Variants in NRBP1 observed in about 807,000 individuals in gnomAD.
NRBP1 encodes nuclear receptor-binding protein.
A neutral mutation model predicts 76.0 loss-of-function variants in NRBP1; 10 were observed. The observed-to-expected ratio is 0.13, with a 90% CI of 0.08 to 0.22. The LOEUF (loss-of-function observed/expected upper bound fraction) is 0.22, where lower values mean the gene tolerates loss of function less well. Among genes scored for constraint, NRBP1 ranks in the 10% least tolerant of loss-of-function variants. The probability of loss-of-function intolerance (pLI) is 1.00; values close to 1 mark genes in which losing one functional copy is unlikely to be tolerated. For synonymous variants in NRBP1, 235 were observed against 240.2 expected (o/e 0.98, Z 0.20); for missense variants, 344 against 646.0 (o/e 0.53, Z 5.07).
intron 4 of NRBP1, 95 bp downstream of exon 4, chr2:27,434,185 A>G: frequency 9.4e-7 from 1 of 1,067,414 alleles, no homozygotes; most frequent in Non-Finnish European, 1.4e-6. Flanking sequence ...AAAACAAGGT[A>G]GTTTTGAAAC....
chr2:27,434,212 G>A (rs1242656617), intron 4 of NRBP1, 122 bp downstream of exon 4: 1 of 844,610 alleles, frequency 1.2e-6, no homozygotes, highest in Non-Finnish European at 1.9e-6. Context: ...GGAATCAGCT[G>A]CAATGGCGAT....
rs775263465 is a variant in NRBP1, at chr2:27,433,495, G to A, written c.210+12G>A. 1.9e-6 allele frequency: 3 copies of A among 1,613,292 alleles called. No individual in the cohort carries two copies. Among genetic ancestry groups the A allele is most frequent in the Non-Finnish European group, 2.5e-6 (3 of 1,179,608 alleles). On this transcript the variant is annotated intron_variant, in intron 2 of 17. Transcript: ENST00000379852. ...AGAGGCGAGAAGAGGTAAGGTTATG[G>A]TACAGTTACTCTTGGGTGAGTGAAT...
Position 27,431,413 on chromosome 2 carries a change from T to C in NRBP1, c.-20-1841T>C, listed in dbSNP as rs555254884. ...AGCTGGAAGCTTAAAGTCTTAGCTC[T>C]GGCTTGAATTTGTGGCTGCTTGAAT... On this transcript the variant is annotated intron_variant, in intron 1 of 17. Coordinates refer to ENST00000379852, the MANE Select transcript of NRBP1 (RefSeq NM_013392.4). 2.0e-5 allele frequency among the ~76,000 whole-genome samples: 3 copies of C among 152,354 alleles called. No homozygotes were observed. In the South Asian group the frequency reaches 6.2e-4, roughly 32 times the overall value.
At chr2:27,434,203 G>A (rs1362564137) in intron 4 of NRBP1, 113 bp downstream of exon 4, 19 of 904,708 alleles carry the variant, frequency 2.1e-5, no homozygotes, top group Non-Finnish European at 3.3e-5. Context: ...AACAGAACTG[G>A]AATCAGCTGC....
At chr2:27,434,240 T>C in intron 4 of NRBP1, 150 bp downstream of exon 4, 2 of 740,000 alleles carry the variant, frequency 2.7e-6, no homozygotes, top group Middle Eastern at 3.9e-4. Flanking sequence ...GGGCTTCAGT[T>C]GTCACCTATG....
chr2:27,436,750 C>T lies in NRBP1; in HGVS notation c.662-3C>T. 1 of 1,613,200 alleles carries T rather than the reference C, an allele frequency of 6.2e-7. No homozygotes were observed. Among genetic ancestry groups the T allele is most frequent in the Non-Finnish European group, 8.5e-7 (1 of 1,179,136 alleles). On this transcript the variant is annotated splice_region_variant and splice_polypyrimidine_tract_variant and intron_variant, in intron 7 of 17. Coordinates refer to ENST00000379852, the MANE Select transcript of NRBP1 (RefSeq NM_013392.4). Reference sequence around the variant, plus strand: ...AGATTGTGGGTGTCTCCCCTACTCCCAGTGGCTCCTGACACTATCAACAAT... The same window carrying T: ...AGATTGTGGGTGTCTCCCCTACTCCTAGTGGCTCCTGACACTATCAACAAT...
chr2:27,427,809 A>G (rs914372613), upstream of NRBP1: 2 of 152,224 alleles, frequency 1.3e-5, no homozygotes, highest in South Asian at 4.1e-4. Flanking sequence ...GTCTAAGGGC[A>G]GAGTGAACTT....
chr2:27,434,221 A>T, intron 4 of NRBP1, 131 bp downstream of exon 4: 2 of 804,178 alleles, frequency 2.5e-6, no homozygotes, highest in Non-Finnish European at 4.1e-6. Context: ...TGCAATGGCG[A>T]TAAGAGTAGG....
chr2:27,432,743 T>C (rs1466315814), intron 1 of NRBP1, among the ~76,000 whole-genome samples: 1 of 152,002 alleles, frequency 6.6e-6, no homozygotes, highest in Non-Finnish European at 1.5e-5. Flanking sequence ...GCCCTGCTAA[T>C]TTTTAAATTT....
At chr2:27,429,028 G>A (rs1399847062) in intron 1 of NRBP1, among the ~76,000 whole-genome samples, 1 of 150,944 alleles carries the variant, frequency 6.6e-6, no homozygotes, top group East Asian at 1.9e-4. Context: ...CGAGAGGCGG[G>A]GCCCGGCGGG....
Position 27,441,939 on chromosome 2 carries a change from CT to C in NRBP1, c.*128del. 1.5e-6 allele frequency: 1 copy of C among 660,832 alleles called. No individual in the cohort carries two copies. The highest frequency in any genetic ancestry group is 2.7e-6 in the Non-Finnish European group (1 of 371,206). 40.9% of individuals were successfully genotyped at this position (660,832 alleles called of 1,614,324 possible). A position where few individuals can be genotyped will look rare whatever the true frequency, so the allele number is the denominator to read the frequency against. The stretch of plus-strand genomic sequence containing the variant: ...TTCCCTCCTTTATTATTCAGGAGGG[CT>C]GGGGGGGCTCCCTGGTTCTGAGCAT... On this transcript the variant is annotated 3_prime_UTR_variant, in exon 18 of 18. Coordinates refer to ENST00000379852, the MANE Select transcript of NRBP1 (RefSeq NM_013392.4).
At position 27,439,213 on chromosome 2, in the gene NRBP1, C is replaced by T. The variant is rs531029682; in HGVS notation, c.904-553C>T. On this transcript the variant is annotated intron_variant, in intron 10 of 17. Transcript: ENST00000379852. ...AGGAAAAAGAAAGTGTGGGGCCGGG[C>T]GCGGTGTCTCATGCCTGTAATACCG... 6.5e-4 allele frequency among the ~76,000 whole-genome samples: 99 copies of T among 152,096 alleles called. 1 individual carries two copies. In the South Asian group the frequency reaches 0.017, roughly 26 times the overall value.
rs577722546 is a variant in NRBP1 at position 27,436,461 on chromosome 2, C to A, written c.662-292C>A. On this transcript the variant is annotated intron_variant, in intron 7 of 17. Coordinates refer to ENST00000379852, the MANE Select transcript of NRBP1 (RefSeq NM_013392.4). ...CAAGTGAAAATTTTTCCTTAAACTT[C>A]ATTGCTTCTAGACCAGCCTGAAGCC... is the stretch of plus-strand genomic sequence containing the variant. 2.7e-5 allele frequency: 9 copies of A among 332,344 alleles called. No homozygotes were observed. In the South Asian group the frequency reaches 3.5e-4, roughly 13 times the overall value. The allele number at this position is 332,344 out of a possible 1,614,324, so 20.6% of individuals were successfully genotyped here.
In NRBP1 at chr2:27,437,174, CAAGT is replaced by C. The variant is rs1664340230; in HGVS notation, c.804+73_804+76del. On this transcript the variant is annotated intron_variant, in intron 9 of 17. Coordinates refer to ENST00000379852, the MANE Select transcript of NRBP1 (RefSeq NM_013392.4). ...GATGGAATTGGGAATGGAGGGAAGA[CAAGT>C]AAGGCGCTGGCTTGGAGGGAGTGAT... 8 of 1,579,984 alleles carry C rather than the reference CAAGT, an allele frequency of 5.1e-6. No homozygotes were observed. The Admixed American group carries it at 6.7e-5, about 13-fold the overall frequency.
At chr2:27,432,840 G>A (rs1664157511) in intron 1 of NRBP1, among the ~76,000 whole-genome samples, 1 of 152,248 alleles carries the variant, frequency 6.6e-6, no homozygotes, top group Admixed American at 6.5e-5. Context: ...GCTTCTCAAA[G>A]TGCTGGGATT....
At chr2:27,436,641 G>A in intron 7 of NRBP1, 112 bp from the exon 8 acceptor site, 1 of 819,238 alleles carries the variant, frequency 1.2e-6, no homozygotes, top group Non-Finnish European at 2.1e-6. Context: ...GCCTGTTGAG[G>A]GTCATCAGAA....
At chr2:27,441,468 G>C in intron 16 of NRBP1, 99 bp from the exon 17 acceptor site, 1 of 1,468,530 alleles carries the variant, frequency 6.8e-7, no homozygotes, top group Non-Finnish European at 9.5e-7. Flanking sequence ...TAAAGCAGTG[G>C]GTGGATCTGA....
intron 10 of NRBP1, among the ~76,000 whole-genome samples, chr2:27,439,410 G>C (rs537365791): frequency 6.6e-6 from 1 of 151,258 alleles, no homozygotes; most frequent in South Asian, 2.1e-4. Flanking sequence ...GCGTGAACCC[G>C]GTAGGCAGAG....
At position 27,437,569 on chromosome 2, in the gene NRBP1, G is replaced by A. The variant is rs946410541; in HGVS notation, c.903+209G>A. Among the ~76,000 whole-genome samples, 7 of 152,184 alleles carry A rather than the reference G, an allele frequency of 4.6e-5. No individual in the cohort carries two copies. The South Asian group carries it at 1.2e-3, about 27-fold the overall frequency. On this transcript the variant is annotated intron_variant, in intron 10 of 17. Transcript: ENST00000379852. ...AGGGGGTTAAGATGGATGATGCTGG[G>A]GTTAAAAGTTGTGTGTTGGAAGCCG...
Sources: allele counts gnomAD v4.1 joint callset (sites outside exome capture counted in the v4.1 genomes callset), GRCh38; gene constraint gnomAD v4.1.1; transcripts MANE v1.5; gene names NCBI Gene and HGNC (gene_info 2026-07-23, HGNC 2026-07-21).